Variants in STIM1 observed in about 807,000 individuals in gnomAD.
The protein encoded by STIM1 is stromal interaction molecule 1.
A neutral mutation model predicts 74.7 loss-of-function variants in STIM1; 25 were observed. The observed-to-expected ratio is 0.33, with a 90% CI of 0.24 to 0.47. The LOEUF (loss-of-function observed/expected upper bound fraction) is 0.47, where lower values mean the gene tolerates loss of function less well. STIM1 is among the 20% of genes least tolerant of loss of function. The probability of loss-of-function intolerance (pLI) is 1.00; values close to 1 mark genes in which losing one functional copy is unlikely to be tolerated. For missense variants in STIM1, 728 were observed against 920.8 expected (o/e 0.79, Z 2.71); for synonymous variants, 328 against 348.8 (o/e 0.94, Z 0.66).
chr11:4,015,356 A>G (rs1410844305), intron 2 of STIM1, among the ~76,000 whole-genome samples: 1 of 151,778 alleles, frequency 6.6e-6, no homozygotes, highest in Non-Finnish European at 1.5e-5. Flanking sequence ...TTCTTTAAGA[A>G]TGTTGAATAT....
intron 6 of STIM1, among the ~76,000 whole-genome samples, chr11:4,071,966 T>C (rs1247216145): frequency 6.6e-6 from 1 of 152,234 alleles, no homozygotes; most frequent in Admixed American, 6.5e-5. Context: ...GATTCCTGGC[T>C]ACTTTGCTGG....
intron 3 of STIM1, among the ~76,000 whole-genome samples, chr11:4,049,035 A>T (rs563319337): frequency 3.3e-5 from 5 of 152,188 alleles, no homozygotes; most frequent in Non-Finnish European, 2.9e-5. Context: ...CACCTGGCCT[A>T]TAAATTATTT....
At chr11:4,048,805 C>G (rs1190396892) in intron 3 of STIM1, among the ~76,000 whole-genome samples, 1 of 152,028 alleles carries the variant, frequency 6.6e-6, no homozygotes, top group Non-Finnish European at 1.5e-5. Flanking sequence ...ACGATCTCAG[C>G]TCGCTGCAAC....
At chr11:3,934,642 ACCTTGGTACACTGATGC>A (rs2092911538) in intron 1 of STIM1, among the ~76,000 whole-genome samples, 1 of 152,204 alleles carries the variant, frequency 6.6e-6, no homozygotes, top group African/African-American at 2.4e-5. Flanking sequence ...TTACATCAGT[ACCTTGGTACACTGATGC>A]CCAAATCAAA....
At chr11:3,900,234 G>A (rs532220694) in intron 1 of STIM1, among the ~76,000 whole-genome samples, 17 of 152,248 alleles carry the variant, frequency 1.1e-4, no homozygotes, top group Middle Eastern at 3.4e-3. Context: ...ATGACCCTCC[G>A]AGCCAGGTGC....
intron 1 of STIM1, among the ~76,000 whole-genome samples, chr11:3,919,211 C>G (rs2092687529): frequency 1.3e-5 from 2 of 152,124 alleles, no homozygotes; most frequent in African/African-American, 4.8e-5. Flanking sequence ...CAACACCAAA[C>G]TGTGTTTTTT....
At chr11:4,030,580 C>G (rs997957564) in intron 3 of STIM1, among the ~76,000 whole-genome samples, 1 of 152,134 alleles carries the variant, frequency 6.6e-6, no homozygotes, top group African/African-American at 2.4e-5. Context: ...AGTTAAAAAC[C>G]TCAGACATTA....
intron 1 of STIM1, among the ~76,000 whole-genome samples, chr11:3,917,210 G>A (rs1381907247): frequency 6.6e-6 from 1 of 152,182 alleles, no homozygotes; most frequent in African/African-American, 2.4e-5. Context: ...TGGCAGGGGT[G>A]AGGGGAACAA....
chr11:4,006,867 T>G (rs935174848), intron 2 of STIM1, among the ~76,000 whole-genome samples: 8 of 151,964 alleles, frequency 5.3e-5, no homozygotes, highest in African/African-American at 1.9e-4. Flanking sequence ...GGGAACAAGG[T>G]TGGAAAGGGG....
chr11:3,914,431 G>A (rs770544582), intron 1 of STIM1, among the ~76,000 whole-genome samples: 22 of 151,890 alleles, frequency 1.4e-4, no homozygotes, highest in Non-Finnish European at 3.1e-4. Flanking sequence ...ACTTGTTCCA[G>A]TACCTGTTTT....
rs536999785 is a variant in STIM1, at chr11:4,086,650, A to G, written c.1634+107A>G. ...TTTCAGTTCTGAAGGCTACGGGACCAGCTCTCCATCTGCCTCTGCTGCTGC... is the reference window on the plus strand; with the variant it reads ...TTTCAGTTCTGAAGGCTACGGGACCGGCTCTCCATCTGCCTCTGCTGCTGC... On this transcript the variant is annotated intron_variant, in intron 12 of 12. Coordinates refer to ENST00000526596, the MANE Select transcript of STIM1 (RefSeq NM_001382567.1). The G allele has an allele frequency of 1.2e-5, 18 of 1,559,274 alleles. No homozygotes were observed. In the African/African-American group the frequency reaches 2.4e-4, roughly 21 times the overall value.
chr11:3,933,538 G>C (rs2092896570), intron 1 of STIM1, among the ~76,000 whole-genome samples: 1 of 152,146 alleles, frequency 6.6e-6, no homozygotes, highest in African/African-American at 2.4e-5. Context: ...ACAGACTTCA[G>C]ATCTTGCATG....
rs115414969 is a variant in STIM1, at chr11:4,077,915, A to G, written c.969+3236A>G. 2.8e-3 allele frequency among the ~76,000 whole-genome samples: 432 copies of G among 152,218 alleles called. 3 individuals carry two copies. Among genetic ancestry groups the G allele is most frequent in the African/African-American group, 1.0e-2 (415 of 41,544 alleles). The stretch of plus-strand genomic sequence containing the variant: ...TGTCCAGAATTTCTATCTTTTATCT[A>G]TTGTATCCATCTTTTCCTGTATTTC... On this transcript the variant is annotated intron_variant, in intron 7 of 12. Transcript: ENST00000526596.
At chr11:3,919,331 G>GCCTC (rs2135514570) in intron 1 of STIM1, among the ~76,000 whole-genome samples, 1 of 152,038 alleles carries the variant, frequency 6.6e-6, no homozygotes, top group Admixed American at 6.5e-5. Context: ...TCAGCCTCCC[G>GCCTC]AGTAGCTGGG....
At chr11:3,863,879 ATTG>A (rs2090740409) in intron 1 of STIM1, among the ~76,000 whole-genome samples, 3 of 152,138 alleles carry the variant, frequency 2.0e-5, no homozygotes, top group African/African-American at 7.2e-5. Flanking sequence ...ATTAATAGTT[ATTG>A]TTGTTAACAT....
chr11:3,888,752 A>C (rs761557322), intron 1 of STIM1, among the ~76,000 whole-genome samples: 7 of 151,974 alleles, frequency 4.6e-5, no homozygotes, highest in Admixed American at 6.6e-5. Flanking sequence ...GGGTTTCACC[A>C]TGTTGGCCAG....
At chr11:3,894,410 G>T (rs545774241) in intron 1 of STIM1, among the ~76,000 whole-genome samples, 2 of 152,102 alleles carry the variant, frequency 1.3e-5, no homozygotes, top group African/African-American at 2.4e-5. Context: ...GGGGTGGAGT[G>T]GGGGGTTCTG....
At chr11:4,008,852 A>AT (rs1387597371) in intron 2 of STIM1, among the ~76,000 whole-genome samples, 6 of 151,682 alleles carry the variant, frequency 4.0e-5, no homozygotes, top group Middle Eastern at 3.4e-3. Context: ...CCAGGAATTG[A>AT]TTTTTTTTTC....
At chr11:4,084,917 T>A (rs1042448427) in intron 11 of STIM1, among the ~76,000 whole-genome samples, 152 bp downstream of exon 11, 2 of 151,964 alleles carry the variant, frequency 1.3e-5, no homozygotes, top group African/African-American at 4.8e-5. Context: ...CAGGGAGGGG[T>A]TCGGGGGTGA....
Sources: allele counts gnomAD v4.1 joint callset (sites outside exome capture counted in the v4.1 genomes callset), GRCh38; gene constraint gnomAD v4.1.1; transcripts MANE v1.5; gene names NCBI Gene and HGNC (gene_info 2026-07-23, HGNC 2026-07-21).